SUCLG2: variants seen among roughly 807,000 people sequenced by gnomAD.
The protein encoded by SUCLG2 is succinate--CoA ligase [GDP-forming] subunit beta, mitochondrial.
In SUCLG2, 42 loss-of-function variants were observed where a neutral mutation model predicts 47.9. That is an observed-to-expected ratio of 0.88 (90% confidence interval 0.69 to 1.14). SUCLG2 has a LOEUF of 1.14. Among genes scored for constraint, SUCLG2 ranks in the 50% most tolerant of loss-of-function variants. SUCLG2 has a pLI of 0.00. For synonymous variants in SUCLG2, 195 were observed against 197.3 expected (o/e 0.99, Z 0.10); for missense variants, 571 against 525.9 (o/e 1.09, Z -0.84).
intron 9 of SUCLG2, among the ~76,000 whole-genome samples, chr3:67,469,508 T>C (rs1050963503): frequency 2.0e-5 from 3 of 151,858 alleles, no homozygotes; most frequent in African/African-American, 7.3e-5. Context: ...GGCAGGTGGA[T>C]CACGAGGTCA....
At chr3:67,644,292 T>C (rs939136579) in intron 1 of SUCLG2, among the ~76,000 whole-genome samples, 4 of 152,194 alleles carry the variant, frequency 2.6e-5, no homozygotes, top group African/African-American at 9.6e-5. Flanking sequence ...TGGAATATTA[T>C]TCAGCCTAAT....
chr3:67,478,009 A>G (rs1340199511), intron 9 of SUCLG2, among the ~76,000 whole-genome samples: 2 of 152,212 alleles, frequency 1.3e-5, no homozygotes, highest in Non-Finnish European at 2.9e-5. Context: ...TACTATTATC[A>G]TGTCTACTTT....
rs568603887 is a variant in SUCLG2, at chr3:67,524,091, G to A, written c.418-3457C>T. ...AATTTTATACAACAAAGACCAGTTT[G>A]TTGACATCGTCATGCCTTCCAAATG... On this transcript the variant is annotated intron_variant, in intron 4 of 10. Transcript: ENST00000307227. Among the ~76,000 whole-genome samples the A allele has an allele frequency of 1.6e-4, 25 of 152,290 alleles. No individual in the cohort carries two copies. In the East Asian group the frequency reaches 4.8e-3, roughly 29 times the overall value.
downstream of SUCLG2, among the ~76,000 whole-genome samples, chr3:67,370,159 T>C (rs369626236): frequency 2.6e-5 from 4 of 152,288 alleles, no homozygotes; most frequent in African/African-American, 7.2e-5. Context: ...ATGTAACATT[T>C]GAAACAATTA....
intron 10 of SUCLG2, among the ~76,000 whole-genome samples, chr3:67,366,842 G>C (rs1376483342): frequency 6.6e-6 from 1 of 152,154 alleles, no homozygotes; most frequent in African/African-American, 2.4e-5. Flanking sequence ...TTTTTGAGGT[G>C]CTGATTGTCC....
At chr3:67,392,430 T>C (rs1575664895) in intron 10 of SUCLG2, among the ~76,000 whole-genome samples, 2 of 152,328 alleles carry the variant, frequency 1.3e-5, no homozygotes, top group Middle Eastern at 6.8e-3. Flanking sequence ...ACGTAAACAT[T>C]AGACAAAGGC....
rs546263074 is a variant in SUCLG2, at chr3:67,486,364, T to C, written c.1062+9434A>G. 2.5e-4 allele frequency among the ~76,000 whole-genome samples: 38 copies of C among 152,312 alleles called. No individual in the cohort carries two copies. The East Asian group carries it at 7.1e-3, about 29-fold the overall frequency. On this transcript the variant is annotated intron_variant, in intron 9 of 10. Transcript: ENST00000307227. ...ATAATCTATGAAAAGCTGCTCATAA[T>C]TATCCAAAACACTACCCAGGCAATT...
intron 10 of SUCLG2, chr3:67,376,640 T>C (rs768424328): frequency 1.0e-5 from 4 of 395,462 alleles, no homozygotes; most frequent in African/African-American, 2.2e-5. Context: ...CTTGGAGAAC[T>C]TGCCTTACCA....
In SUCLG2 at chr3:67,623,482, C is replaced by A. The variant is rs141979840; in HGVS notation, c.85-13886G>T. On this transcript the variant is annotated intron_variant, in intron 1 of 10. Transcript: ENST00000307227. The stretch of plus-strand genomic sequence containing the variant: ...AGCCACTGCACTCCAGCCTGGATGA[C>A]AGAGTGAGACTCCATCTTAAGAAAC... 2.4e-3 allele frequency among the ~76,000 whole-genome samples: 364 copies of A among 152,070 alleles called. 8 individuals carry two copies. The East Asian group carries it at 0.051, about 21-fold the overall frequency.
intron 6 of SUCLG2, among the ~76,000 whole-genome samples, chr3:67,512,500 C>T (rs1186290490): frequency 1.3e-5 from 2 of 150,784 alleles, no homozygotes; most frequent in Non-Finnish European, 2.9e-5. Context: ...CGATAAATAT[C>T]GGTTGAATTA....
At chr3:67,487,228 T>C (rs1705077117) in intron 9 of SUCLG2, among the ~76,000 whole-genome samples, 1 of 152,112 alleles carries the variant, frequency 6.6e-6, no homozygotes, top group South Asian at 2.1e-4. Context: ...GACTTGAAAT[T>C]GTACCATGGT....
At chr3:67,476,268 T>A (rs903473209) in intron 9 of SUCLG2, among the ~76,000 whole-genome samples, 1 of 152,020 alleles carries the variant, frequency 6.6e-6, no homozygotes, top group Non-Finnish European at 1.5e-5. Flanking sequence ...TTCATCTGTA[T>A]GTACAGCTGC....
intron 9 of SUCLG2, among the ~76,000 whole-genome samples, chr3:67,442,601 A>G (rs1189208497): frequency 2.0e-5 from 3 of 152,158 alleles, no homozygotes; most frequent in Non-Finnish European, 4.4e-5. Flanking sequence ...TGTTTTTCAG[A>G]TATGACCAAA....
chr3:67,383,673 T>G (rs567342817), intron 10 of SUCLG2, among the ~76,000 whole-genome samples: 2 of 152,298 alleles, frequency 1.3e-5, no homozygotes, highest in South Asian at 4.1e-4. Context: ...GCTATGATCA[T>G]GCAAGCAAGG....
chr3:67,386,226 C>A (rs180688050), intron 10 of SUCLG2, among the ~76,000 whole-genome samples: 1 of 151,796 alleles, frequency 6.6e-6, no homozygotes, highest in Non-Finnish European at 1.5e-5. Context: ...GTAGTTGGGA[C>A]TACAGGCGCC....
At chr3:67,596,842 A>G (rs1277657120) in intron 2 of SUCLG2, among the ~76,000 whole-genome samples, 1 of 152,214 alleles carries the variant, frequency 6.6e-6, no homozygotes, top group East Asian at 1.9e-4. Context: ...ACTGTCTAAT[A>G]CTGAGCAATA....
chr3:67,654,149 T>C (rs1490309076), intron 1 of SUCLG2, among the ~76,000 whole-genome samples: 2 of 152,228 alleles, frequency 1.3e-5, no homozygotes, highest in African/African-American at 2.4e-5. Flanking sequence ...TTAGTAGAGC[T>C]GACAATAAAA....
At chr3:67,585,897 G>A (rs1364866750) in intron 2 of SUCLG2, among the ~76,000 whole-genome samples, 2 of 149,016 alleles carry the variant, frequency 1.3e-5, no homozygotes, top group Non-Finnish European at 3.0e-5. Context: ...AACCCAGGAG[G>A]TGGAGGTAGC....
At chr3:67,533,718 C>A (rs1027005148) in intron 2 of SUCLG2, among the ~76,000 whole-genome samples, 13 of 152,080 alleles carry the variant, frequency 8.5e-5, no homozygotes, top group Admixed American at 7.9e-4. Flanking sequence ...ACTTCAGAAC[C>A]CAAACATAAA....
Sources: allele counts gnomAD v4.1 joint callset (sites outside exome capture counted in the v4.1 genomes callset), GRCh38; gene constraint gnomAD v4.1.1; transcripts MANE v1.5; gene names NCBI Gene and HGNC (gene_info 2026-07-23, HGNC 2026-07-21).